Variants in EXOC7 observed in about 807,000 individuals in gnomAD.
EXOC7 encodes the protein exocyst complex component Exo70.
In EXOC7, 51 loss-of-function variants were observed where a neutral mutation model predicts 87.6. The observed-to-expected ratio is 0.58, with a 90% CI of 0.46 to 0.73. The LOEUF (loss-of-function observed/expected upper bound fraction) is 0.73, where lower values mean the gene tolerates loss of function less well. EXOC7 is among the 30% of genes least tolerant of loss of function. The pLI, the probability that EXOC7 is intolerant of heterozygous loss-of-function variation, is 0.00. For missense variants in EXOC7, 744 were observed against 888.4 expected, an observed-to-expected ratio of 0.84 and a Z score of 2.07; for synonymous variants, 327 against 357.1, an observed-to-expected ratio of 0.92 and a Z score of 0.95.
chr17:76,100,199 G>A (rs2067989807), intron 4 of EXOC7, among the ~76,000 whole-genome samples: 1 of 152,130 alleles, frequency 6.6e-6, no homozygotes, highest in South Asian at 2.1e-4. Context: ...GAAGACAGAG[G>A]AAGGGAGAAT....
chr17:76,097,858 T>C lies in EXOC7; in HGVS notation c.578A>G (p.Glu193Gly), dbSNP rs759369552. 5 of 1,613,968 alleles carry C rather than the reference T, an allele frequency of 3.1e-6. No homozygotes were observed. In the South Asian group the frequency reaches 5.5e-5, roughly 18 times the overall value. ...GCGAATGACATCCTGGAGCACGCTC[T>C]CGGGCAGGTGCTCCAGGGTCACGTC... ...QEDVTLEHLPESVLQDVIRIS... is the reference protein window; with the variant it reads ...QEDVTLEHLPGSVLQDVIRIS... Residue 193 changes from glutamate (E) to glycine (G), a missense_variant, in exon 5 of 19, where the codon GAG (glutamate) becomes GGG (glycine). Glu to Gly is a moderately conservative substitution (Grantham distance 98, BLOSUM62 -2). Transcript: ENST00000589210.
chr17:76,094,343 G>C (rs762090828), intron 6 of EXOC7, 71 bp downstream of exon 6: 5 of 1,500,606 alleles, frequency 3.3e-6, no homozygotes, highest in Non-Finnish European at 4.5e-6. Context: ...GCGAACGCTA[G>C]ATTGGACTAA....
In EXOC7 at chr17:76,082,385, G is replaced by A; in HGVS notation, c.*1263C>T. 7.1e-7 allele frequency: 1 copy of A among 1,406,488 alleles called. No homozygotes were observed. The highest frequency in any genetic ancestry group is 9.6e-7 in the Non-Finnish European group (1 of 1,036,844). 87.1% of individuals were successfully genotyped at this position (1,406,488 alleles called of 1,614,324 possible). A position where few individuals can be genotyped will look rare whatever the true frequency, so the allele number is the denominator to read the frequency against. Reference sequence around the variant, plus strand: ...AAGAAAGGAAGCGATACAGGCTGATGACCCCTGGGGTTCGCTCTTCCGCTC... The same window carrying A: ...AAGAAAGGAAGCGATACAGGCTGATAACCCCTGGGGTTCGCTCTTCCGCTC... On this transcript the variant is annotated 3_prime_UTR_variant, in exon 19 of 19. Transcript: ENST00000589210.
Position 76,082,170 on chromosome 17 carries a change from C to T in EXOC7, c.*1478G>A, listed in dbSNP as rs1023661908. On this transcript the variant is annotated 3_prime_UTR_variant, in exon 19 of 19. Coordinates refer to ENST00000589210, the MANE Select transcript of EXOC7 (RefSeq NM_001013839.4). ...CATCCACCCTGCTGGCTCTCCTGTC[C>T]CTGGTCTCCACCATGTCCTCCTCCC... The T allele has an allele frequency of 1.6e-6, 2 of 1,243,436 alleles. No homozygotes were observed. The highest frequency in any genetic ancestry group is 1.1e-6 in the Non-Finnish European group (1 of 905,320). 77.0% of individuals were successfully genotyped at this position (1,243,436 alleles called of 1,614,324 possible).
At position 76,082,616 on chromosome 17, in the gene EXOC7, G is replaced by T. The variant is rs757637109; in HGVS notation, c.*1032C>A. The T allele has an allele frequency of 3.1e-6, 5 of 1,613,104 alleles. No individual in the cohort carries two copies. Among genetic ancestry groups the T allele is most frequent in the Non-Finnish European group, 4.2e-6 (5 of 1,179,824 alleles). On this transcript the variant is annotated 3_prime_UTR_variant, in exon 19 of 19. Transcript: ENST00000589210. ...GCGTGCAAGTCTGACGCAGCCCCTG[G>T]AGAGGCTGCACCCCATGGCAGGCGG...
At chr17:76,093,876 T>C (rs2144657886) in intron 6 of EXOC7, 1 of 152,934 alleles carries the variant, frequency 6.5e-6, no homozygotes, top group African/African-American at 2.4e-5. Context: ...CACAAGTCAC[T>C]CGCTCGCACT....
chr17:76,084,173 C>T (rs199671997), intron 17 of EXOC7, 34 bp from the exon 18 acceptor site: 52 of 1,595,944 alleles, frequency 3.3e-5, no homozygotes, highest in Non-Finnish European at 4.0e-5. Flanking sequence ...GGAAGGCACC[C>T]AGAGACAAAC....
Position 76,085,539 on chromosome 17 carries a change from G to C in EXOC7, c.1617-130C>G. 4.0e-6 allele frequency: 6 copies of C among 1,509,168 alleles called. No homozygotes were observed. In the South Asian group the frequency reaches 5.7e-5, roughly 14 times the overall value. The allele number at this position is 1,509,168 out of a possible 1,614,324, so 93.5% of individuals were successfully genotyped here. Reference sequence around the variant, plus strand: ...AAGCTCTATGGCATCCCACCTTCCGGGTCCTGGGGTGGAGGAGACTGAAGC... The same window carrying C: ...AAGCTCTATGGCATCCCACCTTCCGCGTCCTGGGGTGGAGGAGACTGAAGC... On this transcript the variant is annotated intron_variant, in intron 14 of 18. Coordinates refer to ENST00000589210, the MANE Select transcript of EXOC7 (RefSeq NM_001013839.4).
Position 76,103,755 on chromosome 17 carries a change from G to A in EXOC7, c.-63C>T, listed in dbSNP as rs556727327. 1.1e-5 allele frequency: 17 copies of A among 1,526,696 alleles called. No homozygotes were observed. Among genetic ancestry groups the A allele is most frequent in the East Asian group, 9.9e-5 (4 of 40,452 alleles). The allele number at this position is 1,526,696 out of a possible 1,614,324, so 94.6% of individuals were successfully genotyped here. A position where few individuals can be genotyped will look rare whatever the true frequency, so the allele number is the denominator to read the frequency against. ...TCCTCCGCGGGCCCACCGGGCCCCC[G>A]TCCCCGTCACACCCACTTCCGCTCT... On this transcript the variant is annotated 5_prime_UTR_variant, in exon 1 of 19. The change creates a new upstream start codon in the 5' untranslated region. Coordinates refer to ENST00000589210, the MANE Select transcript of EXOC7 (RefSeq NM_001013839.4).
In EXOC7 at chr17:76,101,092, TTAA is replaced by T. The variant is rs1015276220; in HGVS notation, c.417+176_417+178del. On this transcript the variant is annotated intron_variant, in intron 4 of 18. Coordinates refer to ENST00000589210, the MANE Select transcript of EXOC7 (RefSeq NM_001013839.4). ...TAACAAGTTTTATAATAAAGAATTT[TTAA>T]TAATAAAAAATGTGCAATTCTTGAA... 8.3e-6 allele frequency: 10 copies of T among 1,197,968 alleles called. No individual in the cohort carries two copies. In the African/African-American group the frequency reaches 1.4e-4, roughly 17 times the overall value. 74.2% of individuals were successfully genotyped at this position (1,197,968 alleles called of 1,614,324 possible).
At position 76,101,698 on chromosome 17, in the gene EXOC7, C is replaced by G. The variant is rs1484744044; in HGVS notation, c.292G>C (p.Glu98Gln). The stretch of plus-strand genomic sequence containing the variant: ...ACTCACCCCTCTCTGATGATCTTCT[C>G]AGTGTCACTGGCCACATGGTAGTAG... The part of the protein sequence containing the change: ...ISYYHVASDT[E>Q]KIIREGPTGR... The change falls in exon 3 of 19, where the codon GAG becomes CAG. Residue 98 changes from glutamate (E) to glutamine (Q), a missense_variant. Coordinates refer to ENST00000589210, the MANE Select transcript of EXOC7 (RefSeq NM_001013839.4). 1.9e-6 allele frequency: 3 copies of G among 1,613,612 alleles called. No homozygotes were observed. Among genetic ancestry groups the G allele is most frequent in the Non-Finnish European group, 2.5e-6 (3 of 1,179,732 alleles).
chr17:76,097,772 T>C (rs1172038533), intron 5 of EXOC7, 24 bp downstream of exon 5: 3 of 1,495,788 alleles, frequency 2.0e-6, no homozygotes, highest in African/African-American at 1.4e-5. Context: ...TGGTGTGTCA[T>C]GTGGCCAAGC....
chr17:76,103,297 G>T, intron 2 of EXOC7, 64 bp downstream of exon 2: 1 of 1,486,154 alleles, frequency 6.7e-7, no homozygotes, highest in Non-Finnish European at 9.2e-7. Context: ...GGAACCGCCA[G>T]GTCGCAAGGC....
intron 6 of EXOC7, chr17:76,092,344 G>C (rs1290143895): frequency 1.4e-5 from 2 of 147,470 alleles, no homozygotes; most frequent in Non-Finnish European, 2.9e-5. Context: ...GCCCAGGCTG[G>C]AGTACGGTGG....
At chr17:76,085,595 A>G (rs2067176250) in intron 14 of EXOC7, 82 bp downstream of exon 14, 1 of 1,602,072 alleles carries the variant, frequency 6.2e-7, no homozygotes. Context: ...CAAGAGAAGG[A>G]GCCCAGGGGG....
chr17:76,082,066 G>A lies in EXOC7; in HGVS notation c.*1582C>T, dbSNP rs369109233. The A allele has an allele frequency of 5.8e-5, 92 of 1,588,496 alleles. No individual in the cohort carries two copies. Among genetic ancestry groups the A allele is most frequent in the Non-Finnish European group, 7.4e-5 (87 of 1,168,892 alleles). On this transcript the variant is annotated 3_prime_UTR_variant, in exon 19 of 19. Transcript: ENST00000589210. ...CTGCTGAAGGTGGGCAGGGGCTGGG[G>A]GGTAAGGAATGAGGCCTAGGTGCAC...
chr17:76,087,154 G>A, intron 12 of EXOC7: 1 of 468,988 alleles, frequency 2.1e-6, no homozygotes, highest in South Asian at 2.2e-5. Context: ...TGGGACGGGA[G>A]GAGAGGGCCC....
chr17:76,100,125 A>T (rs1405819343), intron 4 of EXOC7, among the ~76,000 whole-genome samples: 1 of 152,158 alleles, frequency 6.6e-6, no homozygotes, highest in Non-Finnish European at 1.5e-5. Flanking sequence ...CAAAAAAAAA[A>T]ATCACATAGA....
At position 76,103,732 on chromosome 17, in the gene EXOC7, C is replaced by T. The variant is rs777353364; in HGVS notation, c.-40G>A. 7.0e-6 allele frequency: 11 copies of T among 1,565,470 alleles called. No individual in the cohort carries two copies. In the East Asian group the frequency reaches 1.9e-4, roughly 27 times the overall value. On this transcript the variant is annotated 5_prime_UTR_variant, in exon 1 of 19. Coordinates refer to ENST00000589210, the MANE Select transcript of EXOC7 (RefSeq NM_001013839.4). ...CGGCTCCCACTCCCCAGTATCTTTC[C>T]TCCGCGGGCCCACCGGGCCCCCGTC... is the stretch of plus-strand genomic sequence containing the variant.
Sources: gnomAD v4.1 joint callset for allele counts (sites outside exome capture counted in the v4.1 genomes callset) on GRCh38, gnomAD v4.1.1 for gene constraint, MANE v1.5 for transcripts, NCBI Gene and HGNC (gene_info 2026-07-23, HGNC 2026-07-21) for gene names.